Variants in CDK19 observed in about 807,000 individuals in gnomAD.
CDK19 encodes cyclin dependent kinase 19, also known as cyclin-dependent kinase 19.
A neutral mutation model predicts 68.3 loss-of-function variants in CDK19; 20 were observed. The observed-to-expected ratio is 0.29, with a 90% CI of 0.21 to 0.43. The LOEUF is 0.43. Among genes scored for constraint, CDK19 ranks in the 20% least tolerant of loss-of-function variants. The pLI is 1.00. For missense variants in CDK19, 339 were observed against 623.5 expected (o/e 0.54, Z 4.86); for synonymous variants, 221 against 222.8 (o/e 0.99, Z 0.07).
In CDK19 at chr6:110,627,087, G is replaced by A; in HGVS notation, c.705C>T (p.His235=). Residue 235 remains histidine, a synonymous_variant, in exon 7 of 13, where the codon CAC becomes CAT. Coordinates refer to ENST00000368911, the MANE Select transcript of CDK19 (RefSeq NM_015076.5). The part of the protein sequence containing the change: ...AELLTSEPIF[H]CRQEDIKTSN... ...TTGTTTTTATATCTTCCTGACGACA[G>A]TGAAAAATAGGTTCCGAAGTCAACA... 6.2e-7 allele frequency: 1 copy of A among 1,612,316 alleles called. No homozygotes were observed. Among genetic ancestry groups the A allele is most frequent in the Non-Finnish European group, 8.5e-7 (1 of 1,178,668 alleles).
At chr6:110,651,612 T>C (rs575744401) in intron 4 of CDK19, among the ~76,000 whole-genome samples, 44 of 152,280 alleles carry the variant, frequency 2.9e-4, no homozygotes, top group African/African-American at 1.0e-3. Flanking sequence ...TACTAGTATT[T>C]TAATATTTTT....
chr6:110,675,090 A>G (rs1466260507), intron 2 of CDK19, among the ~76,000 whole-genome samples: 6 of 152,154 alleles, frequency 3.9e-5, no homozygotes, highest in Admixed American at 1.3e-4. Context: ...AAGTTATCCA[A>G]AAGATCTAGC....
chr6:110,639,938 T>C (rs887701057), intron 4 of CDK19, among the ~76,000 whole-genome samples: 2 of 152,102 alleles, frequency 1.3e-5, no homozygotes, highest in African/African-American at 4.8e-5. Context: ...TTGGGCCAGG[T>C]GCAGTGGCTC....
At chr6:110,747,867 T>G (rs929060237) in intron 1 of CDK19, among the ~76,000 whole-genome samples, 1 of 152,208 alleles carries the variant, frequency 6.6e-6, no homozygotes, top group African/African-American at 2.4e-5. Context: ...CTGCAGGTGA[T>G]TGAATGTAAT....
At chr6:110,756,271 T>C (rs1009416493) in intron 1 of CDK19, among the ~76,000 whole-genome samples, 11 of 151,976 alleles carry the variant, frequency 7.2e-5, no homozygotes, top group African/African-American at 2.7e-4. Flanking sequence ...GTGTCTGTAG[T>C]CTCAGCTACT....
chr6:110,640,073 T>C (rs1270062477), intron 4 of CDK19, among the ~76,000 whole-genome samples: 1 of 151,866 alleles, frequency 6.6e-6, no homozygotes, highest in Non-Finnish European at 1.5e-5. Context: ...TTTTTTAAAA[T>C]AGCCTAGTGT....
chr6:110,640,229 C>T (rs1379880002), intron 4 of CDK19, among the ~76,000 whole-genome samples: 1 of 31,138 alleles, frequency 3.2e-5, no homozygotes. Flanking sequence ...AAGACCCTGT[C>T]ACAAAAAAAA....
intron 2 of CDK19, among the ~76,000 whole-genome samples, chr6:110,732,908 A>C (rs1776870145): frequency 6.6e-6 from 1 of 151,968 alleles, no homozygotes; most frequent in African/African-American, 2.4e-5. Flanking sequence ...CTCTATTAAA[A>C]ACACAAAAAT....
intron 1 of CDK19, among the ~76,000 whole-genome samples, chr6:110,768,888 C>A (rs1002189590): frequency 1.3e-5 from 2 of 152,086 alleles, no homozygotes; most frequent in Non-Finnish European, 2.9e-5. Flanking sequence ...CATGGTGGCT[C>A]AAGCCTGTAA....
At chr6:110,632,823 C>T (rs1029105906) in intron 5 of CDK19, among the ~76,000 whole-genome samples, 2 of 152,184 alleles carry the variant, frequency 1.3e-5, no homozygotes, top group African/African-American at 4.8e-5. Context: ...CTTTAGATTC[C>T]TGGCTTTCAG....
intron 1 of CDK19, among the ~76,000 whole-genome samples, chr6:110,756,754 G>A (rs1052121750): frequency 3.9e-5 from 6 of 152,158 alleles, no homozygotes; most frequent in Non-Finnish European, 5.9e-5. Flanking sequence ...AGGTAACTGA[G>A]ATTTCTAGTC....
intron 2 of CDK19, among the ~76,000 whole-genome samples, chr6:110,734,438 A>G (rs993323198): frequency 3.3e-5 from 5 of 151,980 alleles, no homozygotes; most frequent in African/African-American, 1.2e-4. Context: ...TGCTGTTTTA[A>G]TAACTACAGT....
chr6:110,614,440 G>T lies in CDK19; in HGVS notation c.*95C>A. On this transcript the variant is annotated 3_prime_UTR_variant, in exon 13 of 13. Coordinates refer to ENST00000368911, the MANE Select transcript of CDK19 (RefSeq NM_015076.5). ...CTCCCATGTGTATGAGTTTTAAATG[G>T]CATCATAGTTTGCATTTTTTTGGTT... is the stretch of plus-strand genomic sequence containing the variant. 8.4e-7 allele frequency: 1 copy of T among 1,188,256 alleles called. No homozygotes were observed. The highest frequency in any genetic ancestry group is 1.2e-6 in the Non-Finnish European group (1 of 832,298). The allele number at this position is 1,188,256 out of a possible 1,614,324, so 73.6% of individuals were successfully genotyped here. A position where few individuals can be genotyped will look rare whatever the true frequency, so the allele number is the denominator to read the frequency against.
chr6:110,617,779 C>T (rs1205838696), intron 12 of CDK19, among the ~76,000 whole-genome samples: 1 of 142,734 alleles, frequency 7.0e-6, no homozygotes, highest in Non-Finnish European at 1.5e-5. Flanking sequence ...ATCACTTGAA[C>T]CCAGGAGGTG....
At chr6:110,724,339 G>A (rs1379458027) in intron 2 of CDK19, among the ~76,000 whole-genome samples, 1 of 151,942 alleles carries the variant, frequency 6.6e-6, no homozygotes, top group Non-Finnish European at 1.5e-5. Context: ...TAAGCAACAA[G>A]AGCGAAACTC....
At chr6:110,778,006 A>G (rs1467838067) in intron 1 of CDK19, among the ~76,000 whole-genome samples, 1 of 152,150 alleles carries the variant, frequency 6.6e-6, no homozygotes, top group African/African-American at 2.4e-5. Context: ...TTATTCTTTA[A>G]TAGGTCCAGA....
At chr6:110,696,672 A>G (rs1773511477) in intron 2 of CDK19, among the ~76,000 whole-genome samples, 2 of 152,220 alleles carry the variant, frequency 1.3e-5, no homozygotes, top group African/African-American at 4.8e-5. Flanking sequence ...CTGTAATCCC[A>G]GCACTTTGGG....
chr6:110,814,816 G>A, intron 1 of CDK19, 193 bp downstream of exon 1: 3 of 739,938 alleles, frequency 4.1e-6, no homozygotes, highest in South Asian at 1.5e-5. Context: ...GGAGTTCGAG[G>A]TACGCGACGG....
intron 2 of CDK19, chr6:110,700,571 A>G (rs1002297122): frequency 4.6e-5 from 7 of 152,272 alleles, no homozygotes; most frequent in African/African-American, 1.7e-4. Flanking sequence ...CATGGCCTTT[A>G]AAGATACCAG....
Sources: gnomAD v4.1 joint callset for allele counts (sites outside exome capture counted in the v4.1 genomes callset) on GRCh38, gnomAD v4.1.1 for gene constraint, MANE v1.5 for transcripts, NCBI Gene and HGNC (gene_info 2026-07-23, HGNC 2026-07-21) for gene names.